Variants in NEK10 observed in about 807,000 individuals in gnomAD.
NEK10 encodes the protein NIMA related kinase 10.
Under a neutral mutation model 159.8 loss-of-function variants are expected in NEK10, and 122 were observed. That is an observed-to-expected ratio of 0.76 (90% CI 0.66 to 0.89). The LOEUF (loss-of-function observed/expected upper bound fraction) is 0.89. NEK10 is among the 40% of genes least tolerant of loss of function. The pLI is 0.00. For synonymous variants in NEK10, 466 were observed against 457.1 expected (o/e 1.02, Z -0.25); for missense variants, 1,342 against 1,323.1 (o/e 1.01, Z -0.22).
chr3:27,156,535 A>G (rs923004102), intron 30 of NEK10, among the ~76,000 whole-genome samples: 5 of 152,158 alleles, frequency 3.3e-5, no homozygotes, highest in African/African-American at 7.2e-5. Flanking sequence ...CAAATGACCA[A>G]CGAACATACG....
intron 23 of NEK10, among the ~76,000 whole-genome samples, chr3:27,225,073 G>T (rs1271427509): frequency 2.0e-5 from 3 of 152,156 alleles, no homozygotes; most frequent in Non-Finnish European, 4.4e-5. Flanking sequence ...CCCACAATAG[G>T]CAGTCTGCAG....
chr3:27,328,317 C>G (rs935563058), intron 5 of NEK10, among the ~76,000 whole-genome samples: 2 of 152,102 alleles, frequency 1.3e-5, no homozygotes, highest in South Asian at 4.1e-4. Context: ...AATAAAAATG[C>G]ATATCAGGTG....
intron 32 of NEK10, among the ~76,000 whole-genome samples, chr3:27,126,318 C>T (rs984715570): frequency 4.6e-5 from 7 of 152,120 alleles, no homozygotes; most frequent in African/African-American, 1.2e-4. Flanking sequence ...GAAAATGTTA[C>T]TGGGTTTTGT....
chr3:27,253,370 T>A (rs1225899404), intron 23 of NEK10, among the ~76,000 whole-genome samples: 1 of 152,194 alleles, frequency 6.6e-6, no homozygotes, highest in Admixed American at 6.5e-5. Context: ...GGTGTCTAAT[T>A]TTCTTCTCTG....
At chr3:27,297,524 C>CCAT (rs1346309508) in intron 13 of NEK10, among the ~76,000 whole-genome samples, 4 of 152,168 alleles carry the variant, frequency 2.6e-5, no homozygotes, top group Non-Finnish European at 4.4e-5. Flanking sequence ...TTGCATCTGT[C>CCAT]CATTTCATTG....
chr3:27,179,296 C>T (rs978500206), intron 26 of NEK10, among the ~76,000 whole-genome samples: 6 of 152,050 alleles, frequency 3.9e-5, no homozygotes, highest in Admixed American at 6.5e-5. Flanking sequence ...AATATTTACA[C>T]AAAGCTAAAA....
chr3:27,331,367 C>G (rs1406031457), intron 5 of NEK10, among the ~76,000 whole-genome samples: 2 of 151,840 alleles, frequency 1.3e-5, no homozygotes, highest in Non-Finnish European at 2.9e-5. Context: ...AACTATCTGA[C>G]AGGCTTTACC....
rs1360205593 is a variant in NEK10, at chr3:27,293,725, C to G, written c.1309-73G>C. On this transcript the variant is annotated intron_variant, in intron 15 of 35. Transcript: ENST00000691995. Reference sequence around the variant, plus strand: ...TAAAACATTTTCAGGAAAGAATTAACAGGAAGTAAACATTAACGTGACTTT... The same window carrying G: ...TAAAACATTTTCAGGAAAGAATTAAGAGGAAGTAAACATTAACGTGACTTT... 4 of 825,376 alleles carry G rather than the reference C, an allele frequency of 4.8e-6. No homozygotes were observed. In the East Asian group the frequency reaches 1.0e-4, roughly 21 times the overall value. 51.1% of individuals were successfully genotyped at this position (825,376 alleles called of 1,614,324 possible).
chr3:27,141,503 G>T lies in NEK10; in HGVS notation c.2949C>A (p.His983Gln), dbSNP rs1169412050. 1 of 1,612,470 alleles carries T rather than the reference G, an allele frequency of 6.2e-7. No homozygotes were observed. The highest frequency in any genetic ancestry group is 8.5e-7 in the Non-Finnish European group (1 of 1,178,824). The change falls in exon 31 of 36, where the codon CAC becomes CAA. Residue 983 changes from histidine to glutamine, a missense_variant. Physicochemically the swap from His to Gln is conservative, Grantham distance 24. Transcript: ENST00000691995. ...TGACCTGTGTGATATAGATTATTTT[G>T]TGCAGCTGAATTAATATCTGCTGAA... ...DPIQQILIQL[H>Q]KIIYITQLPP...
At chr3:27,348,625 T>G (rs1051511541) in intron 3 of NEK10, among the ~76,000 whole-genome samples, 2 of 152,190 alleles carry the variant, frequency 1.3e-5, no homozygotes, top group African/African-American at 4.8e-5. Context: ...GGTCAGGGTG[T>G]GACTTAACCT....
At chr3:27,156,123 T>A (rs1046311451) in intron 30 of NEK10, among the ~76,000 whole-genome samples, 1 of 152,008 alleles carries the variant, frequency 6.6e-6, no homozygotes, top group Non-Finnish European at 1.5e-5. Flanking sequence ...TGTCACCCCA[T>A]ACAAAAATCA....
rs777551317 is a variant in NEK10, at chr3:27,162,706, C to T, written c.2864G>A (p.Arg955Lys). 32 of 1,613,886 alleles carry T rather than the reference C, an allele frequency of 2.0e-5. No homozygotes were observed. Among genetic ancestry groups the T allele is most frequent in the Non-Finnish European group, 2.7e-5 (32 of 1,179,828 alleles). Reference protein sequence around the residue: ...DFTGGTGSRPRPASAGIAVSQ... With the variant: ...DFTGGTGSRPKPASAGIAVSQ... Reference sequence around the variant, plus strand: ...TGCTACCAACACTAAGTTACCTGGTCTTGGTCTTGATCCTGTTCCTCCAGT... The same window carrying T: ...TGCTACCAACACTAAGTTACCTGGTTTTGGTCTTGATCCTGTTCCTCCAGT... The change falls in exon 30 of 36, where the codon AGA (arginine) becomes AAA (lysine). Residue 955 changes from arginine to lysine, a missense_variant. Coordinates refer to ENST00000691995, the MANE Select transcript of NEK10 (RefSeq NM_001394966.1).
At chr3:27,352,387 T>C in intron 3 of NEK10, 78 bp downstream of exon 3, 1 of 892,578 alleles carries the variant, frequency 1.1e-6, no homozygotes, top group Non-Finnish European at 1.9e-6. Context: ...ATATCATTCA[T>C]AGATATGTTA....
intron 22 of NEK10, among the ~76,000 whole-genome samples, chr3:27,272,471 T>C (rs756709410): frequency 2.6e-5 from 4 of 152,142 alleles, no homozygotes; most frequent in Non-Finnish European, 4.4e-5. Context: ...AGGCTCTCAC[T>C]CTTCCTGCAA....
intron 6 of NEK10, among the ~76,000 whole-genome samples, chr3:27,318,073 G>A (rs1276515602): frequency 2.6e-5 from 4 of 152,128 alleles, no homozygotes; most frequent in Non-Finnish European, 5.9e-5. Flanking sequence ...AAAGTGCTGG[G>A]AGTACAGGCG....
At chr3:27,162,087 GACTT>G (rs1946063617) in intron 30 of NEK10, among the ~76,000 whole-genome samples, 1 of 152,086 alleles carries the variant, frequency 6.6e-6, no homozygotes, top group Non-Finnish European at 1.5e-5. Flanking sequence ...AAAAAAATAT[GACTT>G]ACTTTCTTCA....
intron 1 of NEK10, among the ~76,000 whole-genome samples, chr3:27,366,615 T>G (rs1167342901): frequency 6.6e-6 from 1 of 152,128 alleles, no homozygotes; most frequent in Non-Finnish European, 1.5e-5. Context: ...CATTAGATGG[T>G]CAATAAATAC....
intron 23 of NEK10, among the ~76,000 whole-genome samples, chr3:27,202,839 G>A (rs1265542441): frequency 6.6e-6 from 1 of 152,188 alleles, no homozygotes; most frequent in African/African-American, 2.4e-5. Context: ...CAAGCCCACT[G>A]TGGTAGATGG....
chr3:27,299,882 T>C (rs2043668729), intron 13 of NEK10, among the ~76,000 whole-genome samples: 2 of 152,210 alleles, frequency 1.3e-5, no homozygotes, highest in Admixed American at 6.5e-5. Flanking sequence ...TTATCCAATG[T>C]CTGTACCCCA....
Sources: gnomAD v4.1 joint callset for allele counts (sites outside exome capture counted in the v4.1 genomes callset) on GRCh38, gnomAD v4.1.1 for gene constraint, MANE v1.5 for transcripts, NCBI Gene and HGNC (gene_info 2026-07-23, HGNC 2026-07-21) for gene names.